Variants in VWC2L observed in about 807,000 individuals in gnomAD.
The protein encoded by VWC2L is von Willebrand factor C domain containing 2 like.
Under a neutral mutation model 21.6 loss-of-function variants are expected in VWC2L, and 10 were observed. The observed-to-expected ratio is 0.46, with a 90% CI of 0.29 to 0.78. VWC2L has a LOEUF of 0.78. VWC2L is among the 30% of genes least tolerant of loss of function. The pLI is 0.10. For synonymous variants in VWC2L, 96 were observed against 94.3 expected, an observed-to-expected ratio of 1.02 and a Z score of -0.10; for missense variants, 209 against 277.1, an observed-to-expected ratio of 0.75 and a Z score of 1.74.
At chr2:214,569,469 T>G (rs1053092873) in intron 3 of VWC2L, among the ~76,000 whole-genome samples, 1 of 152,146 alleles carries the variant, frequency 6.6e-6, no homozygotes, top group Non-Finnish European at 1.5e-5. Flanking sequence ...AACCCTAATT[T>G]TAGCATTTTC....
intron 3 of VWC2L, among the ~76,000 whole-genome samples, chr2:214,443,993 T>C (rs1241329443): frequency 6.6e-6 from 1 of 152,056 alleles, no homozygotes; most frequent in Non-Finnish European, 1.5e-5. Flanking sequence ...CGGTACAAAA[T>C]GAACGTGCAG....
intron 3 of VWC2L, among the ~76,000 whole-genome samples, chr2:214,572,262 T>C (rs1690160822): frequency 6.6e-6 from 1 of 152,224 alleles, no homozygotes; most frequent in Admixed American, 6.5e-5. Context: ...AGAGAACAGT[T>C]GTTCACCATT....
intron 2 of VWC2L, among the ~76,000 whole-genome samples, chr2:214,435,683 G>C (rs1274672007): frequency 1.3e-5 from 2 of 152,092 alleles, no homozygotes; most frequent in African/African-American, 4.8e-5. Context: ...AGAACAAATG[G>C]CTTGATTTGA....
chr2:214,507,461 TA>T (rs761926668), intron 3 of VWC2L, among the ~76,000 whole-genome samples: 5 of 152,188 alleles, frequency 3.3e-5, no homozygotes, highest in Non-Finnish European at 7.3e-5. Context: ...CTCAGATTTG[TA>T]AACGGGAATA....
At chr2:214,458,582 C>T (rs953393303) in intron 3 of VWC2L, among the ~76,000 whole-genome samples, 9 of 152,002 alleles carry the variant, frequency 5.9e-5, no homozygotes, top group Non-Finnish European at 1.2e-4. Context: ...ATAAATGACC[C>T]TCTTAGCACA....
chr2:214,490,223 T>C (rs1688727385), intron 3 of VWC2L, among the ~76,000 whole-genome samples: 1 of 152,180 alleles, frequency 6.6e-6, no homozygotes, highest in Non-Finnish European at 1.5e-5. Context: ...CCTTATATCA[T>C]CTCTCCTCTT....
chr2:214,456,532 T>C (rs1482221316), intron 3 of VWC2L, among the ~76,000 whole-genome samples: 1 of 152,178 alleles, frequency 6.6e-6, no homozygotes, highest in African/African-American at 2.4e-5. Flanking sequence ...CTCTTTACTC[T>C]GTTGATTGTA....
chr2:214,572,182 TGTAA>T lies in VWC2L; in HGVS notation c.521-3487_521-3484del, dbSNP rs1690159556. On this transcript the variant is annotated intron_variant, in intron 3 of 3. Transcript: ENST00000312504. ...AGTCCTCTGAAGAATTCACATGATG[TGTAA>T]GTGTGTTCAATTCATTGAGAATCAA... Among the ~76,000 whole-genome samples, 5 of 152,224 alleles carry T rather than the reference TGTAA, an allele frequency of 3.3e-5. No homozygotes were observed. In the South Asian group the frequency reaches 6.2e-4, roughly 19 times the overall value.
intron 3 of VWC2L, among the ~76,000 whole-genome samples, chr2:214,537,704 C>T (rs545476161): frequency 1.3e-5 from 2 of 152,138 alleles, no homozygotes; most frequent in Admixed American, 6.6e-5. Context: ...ATGCGTACCA[C>T]ATAATTATAT....
At chr2:214,469,027 C>T (rs2126191863) in intron 3 of VWC2L, among the ~76,000 whole-genome samples, 1 of 152,066 alleles carries the variant, frequency 6.6e-6, no homozygotes, top group East Asian at 1.9e-4. Context: ...TATAAATAAG[C>T]ACATAAATAC....
intron 3 of VWC2L, among the ~76,000 whole-genome samples, chr2:214,552,918 G>T (rs1459575068): frequency 1.3e-5 from 2 of 152,100 alleles, no homozygotes; most frequent in Non-Finnish European, 2.9e-5. Context: ...TTTCTCCTAA[G>T]CTTTCCTCTT....
At chr2:214,523,902 T>G (rs1223753630) in intron 3 of VWC2L, among the ~76,000 whole-genome samples, 3 of 152,174 alleles carry the variant, frequency 2.0e-5, no homozygotes, top group African/African-American at 7.2e-5. Flanking sequence ...AATATTCTGC[T>G]TTTAGTGCTT....
At chr2:214,430,004 A>T (rs1348408430) in intron 2 of VWC2L, among the ~76,000 whole-genome samples, 1 of 151,934 alleles carries the variant, frequency 6.6e-6, no homozygotes. Context: ...TTGTATTTTT[A>T]GTACAGGTGG....
chr2:214,530,506 T>C (rs1014613320), intron 3 of VWC2L, among the ~76,000 whole-genome samples: 1 of 152,164 alleles, frequency 6.6e-6, no homozygotes, highest in African/African-American at 2.4e-5. Context: ...TAACACATTC[T>C]TAGCACTGAC....
intron 3 of VWC2L, among the ~76,000 whole-genome samples, chr2:214,542,933 T>C (rs1032755874): frequency 3.9e-5 from 6 of 152,190 alleles, no homozygotes; most frequent in South Asian, 4.1e-4. Flanking sequence ...CTGTATTAGA[T>C]TGTCACTGTA....
At chr2:214,503,730 G>GAA (rs5838438) in intron 3 of VWC2L, among the ~76,000 whole-genome samples, 1,525 of 143,180 alleles carry the variant, frequency 0.011, 33 homozygotes, top group African/African-American at 0.036. Flanking sequence ...CCAGAAATGA[G>GAA]AAAAAAAAAA....
intron 3 of VWC2L, among the ~76,000 whole-genome samples, chr2:214,467,179 T>C (rs1703229353): frequency 6.6e-6 from 1 of 152,224 alleles, no homozygotes; most frequent in South Asian, 2.1e-4. Context: ...CAATACTCTT[T>C]TAATCATAAG....
At chr2:214,501,120 A>C (rs935588029) in intron 3 of VWC2L, among the ~76,000 whole-genome samples, 1 of 152,086 alleles carries the variant, frequency 6.6e-6, no homozygotes, top group African/African-American at 2.4e-5. Flanking sequence ...CCAATACTAA[A>C]CCCCCAAATT....
At chr2:214,562,609 A>G (rs1689994255) in intron 3 of VWC2L, among the ~76,000 whole-genome samples, 1 of 152,186 alleles carries the variant, frequency 6.6e-6, no homozygotes, top group Non-Finnish European at 1.5e-5. Context: ...ATTTCCACCA[A>G]CAGAAGTAAA....
Sources: allele counts gnomAD v4.1 joint callset (sites outside exome capture counted in the v4.1 genomes callset), GRCh38; gene constraint gnomAD v4.1.1; transcripts MANE v1.5; gene names NCBI Gene and HGNC (gene_info 2026-07-23, HGNC 2026-07-21).